EVI5: variants seen among roughly 807,000 people sequenced by gnomAD.
EVI5 encodes the protein ecotropic viral integration site 5 protein homolog.
A neutral mutation model predicts 112.0 loss-of-function variants in EVI5; 73 were observed. The observed-to-expected ratio is 0.65, with a 90% CI of 0.54 to 0.79. EVI5 has a LOEUF of 0.79. Ranked by LOEUF, EVI5 falls within the 30% of genes least tolerant of loss-of-function variation. The pLI is 0.00. For synonymous variants in EVI5, 305 were observed against 319.9 expected (o/e 0.95, Z 0.50); for missense variants, 900 against 968.8 (o/e 0.93, Z 0.94).
chr1:92,625,728 C>A, intron 15 of EVI5, 66 bp downstream of exon 15: 1 of 1,452,186 alleles, frequency 6.9e-7, no homozygotes, highest in Non-Finnish European at 9.6e-7. Context: ...GTACTTCAAA[C>A]TCTTACAAAT....
intron 2 of EVI5, among the ~76,000 whole-genome samples, chr1:92,712,538 TAA>T (rs1673003474): frequency 6.6e-6 from 1 of 152,126 alleles, no homozygotes; most frequent in Non-Finnish European, 1.5e-5. Flanking sequence ...ACAGAAAAGG[TAA>T]TATAATAAAT....
rs187270148 is a variant in EVI5 at position 92,587,792 on chromosome 1, T to A, written c.2070+17515A>T. Among the ~76,000 whole-genome samples, 572 of 152,352 alleles carry A rather than the reference T, an allele frequency of 3.8e-3. 2 individuals are homozygous for A. The highest frequency in any genetic ancestry group is 0.013 in the African/African-American group (540 of 41,586). On this transcript the variant is annotated intron_variant, in intron 18 of 19. Coordinates refer to ENST00000684568, the MANE Select transcript of EVI5 (RefSeq NM_001350197.2). ...GGATTTGAGTAGACCTACACTCTTT[T>A]AAATGAAAAACTTTCCATTACTTGT...
At chr1:92,697,821 T>C (rs1366382530) in intron 6 of EVI5, 39 bp downstream of exon 6, 4 of 1,540,680 alleles carry the variant, frequency 2.6e-6, no homozygotes, top group African/African-American at 2.8e-5. Flanking sequence ...ATAAAAAATA[T>C]AAAGGCAATA....
chr1:92,523,127 GCAAT>G (rs1661244243), intron 19 of EVI5, among the ~76,000 whole-genome samples: 1 of 152,108 alleles, frequency 6.6e-6, no homozygotes, highest in Non-Finnish European at 1.5e-5. Flanking sequence ...CTGGCCTCAA[GCAAT>G]CCTCCTGCCT....
intron 19 of EVI5, among the ~76,000 whole-genome samples, chr1:92,530,866 GAAC>G (rs2101844677): frequency 6.6e-6 from 1 of 152,092 alleles, no homozygotes; most frequent in African/African-American, 2.4e-5. Context: ...CCAAAAACCA[GAAC>G]ATCTCTTTTC....
At chr1:92,789,989 A>T (rs1472748026), upstream of EVI5, among the ~76,000 whole-genome samples, 5 of 152,142 alleles carry the variant, frequency 3.3e-5, no homozygotes, top group East Asian at 9.6e-4. Flanking sequence ...ACCACTAGAG[A>T]TACTAGCAAC....
At chr1:92,636,831 AAAT>A (rs1293247973) in intron 13 of EVI5, among the ~76,000 whole-genome samples, 17 of 152,250 alleles carry the variant, frequency 1.1e-4, no homozygotes, top group Admixed American at 1.1e-3. Flanking sequence ...GATTACATTA[AAAT>A]AATATTTTGA....
At chr1:92,615,423 A>G (rs1652905927) in intron 16 of EVI5, among the ~76,000 whole-genome samples, 1 of 152,228 alleles carries the variant, frequency 6.6e-6, no homozygotes, top group South Asian at 2.1e-4. Flanking sequence ...CGAAAGATGC[A>G]TGCACAGCCT....
chr1:92,697,943 G>A lies in EVI5; in HGVS notation c.682C>T (p.Gln228Ter). ...AAAAGTTCACGAAGTCTATAATCTT[G>A]CATTAATTTAACAAATACACAGAAA... ...EAFCVFVKLMQDYRLRELFKP... is the reference protein window; with the variant it reads ...EAFCVFVKLM Residue 228 changes from glutamine (Q) to a stop codon, truncating the protein, a stop_gained, in exon 6 of 20, where the codon CAA becomes TAA. Transcript: ENST00000684568. LOFTEE classifies it high-confidence loss of function. 4.3e-6 allele frequency: 7 copies of A among 1,611,894 alleles called. No individual in the cohort carries two copies. The highest frequency in any genetic ancestry group is 5.9e-6 in the Non-Finnish European group (7 of 1,178,614).
At chr1:92,520,542 G>A (rs1660731467) in intron 19 of EVI5, among the ~76,000 whole-genome samples, 1 of 152,062 alleles carries the variant, frequency 6.6e-6, no homozygotes, top group Non-Finnish European at 1.5e-5. Context: ...GTGTAAAGAT[G>A]CCAAAACTGA....
chr1:92,547,300 T>C (rs374833156), intron 19 of EVI5, among the ~76,000 whole-genome samples: 3 of 152,080 alleles, frequency 2.0e-5, no homozygotes, highest in Admixed American at 6.5e-5. Flanking sequence ...TTGAAACCAA[T>C]GAGAACAAAG....
chr1:92,734,426 T>C (rs1296541181), intron 2 of EVI5, among the ~76,000 whole-genome samples: 1 of 152,176 alleles, frequency 6.6e-6, no homozygotes, highest in Non-Finnish European at 1.5e-5. Flanking sequence ...TGTTTTCTAT[T>C]GACACCCAGA....
intron 18 of EVI5, among the ~76,000 whole-genome samples, chr1:92,576,205 ATAT>A (rs1426722664): frequency 3.3e-5 from 5 of 151,696 alleles, no homozygotes; most frequent in Admixed American, 6.6e-5. Context: ...CATATGTATG[ATAT>A]TATGTATACA....
intron 14 of EVI5, among the ~76,000 whole-genome samples, chr1:92,635,717 A>G (rs1226591779): frequency 6.6e-6 from 1 of 152,206 alleles, no homozygotes; most frequent in Admixed American, 6.5e-5. Flanking sequence ...TTGGAAATGC[A>G]GAAATCATTC....
intron 1 of EVI5, among the ~76,000 whole-genome samples, chr1:92,782,756 A>G (rs1313154290): frequency 2.6e-5 from 4 of 152,196 alleles, no homozygotes; most frequent in African/African-American, 9.7e-5. Flanking sequence ...ACTCCAATCT[A>G]GTAATGTCCT....
At chr1:92,783,706 C>A (rs747604592) in intron 1 of EVI5, among the ~76,000 whole-genome samples, 4 of 146,178 alleles carry the variant, frequency 2.7e-5, no homozygotes, top group Admixed American at 6.9e-5. Context: ...CAGCTACTCG[C>A]GGGGCTGAGG....
chr1:92,699,114 C>A (rs1329725838), intron 5 of EVI5, among the ~76,000 whole-genome samples: 1 of 152,220 alleles, frequency 6.6e-6, no homozygotes, highest in Admixed American at 6.5e-5. Context: ...CTTGACACAG[C>A]CACGGACAGG....
chr1:92,704,545 A>G lies in EVI5; in HGVS notation c.339+10T>C, dbSNP rs1411635600. ...ATAAGAATAAGAACTTCAACAAAGA[A>G]CATGAATACCTTAACTTGCTTTTCC... On this transcript the variant is annotated intron_variant, in intron 3 of 19. Transcript: ENST00000684568. The G allele has an allele frequency of 6.6e-7, 1 of 1,526,636 alleles. No individual in the cohort carries two copies. Among genetic ancestry groups the G allele is most frequent in the South Asian group, 1.3e-5 (1 of 78,472 alleles). The allele number at this position is 1,526,636 out of a possible 1,614,324, so 94.6% of individuals were successfully genotyped here. A position where few individuals can be genotyped will look rare whatever the true frequency, so the allele number is the denominator to read the frequency against.
At chr1:92,608,491 G>A (rs1207529707) in intron 16 of EVI5, among the ~76,000 whole-genome samples, 1 of 152,014 alleles carries the variant, frequency 6.6e-6, no homozygotes, top group East Asian at 1.9e-4. Flanking sequence ...ATCACTTGTG[G>A]CCAGGAGTTT....
Sources: gnomAD v4.1 joint callset for allele counts (sites outside exome capture counted in the v4.1 genomes callset) on GRCh38, gnomAD v4.1.1 for gene constraint, MANE v1.5 for transcripts, NCBI Gene and HGNC (gene_info 2026-07-23, HGNC 2026-07-21) for gene names.